CRISPLD2: variants seen among roughly 807,000 people sequenced by gnomAD.
CRISPLD2 encodes the protein cysteine-rich secretory protein LCCL domain-containing 2.
CRISPLD2 carries 47 observed loss-of-function variants against 71.1 expected under a neutral mutation model. The ratio of observed to expected loss-of-function variants is 0.66; its 90% confidence interval spans 0.52 to 0.84. The LOEUF (loss-of-function observed/expected upper bound fraction) is 0.84, where lower values mean the gene tolerates loss of function less well. Ranked by LOEUF, CRISPLD2 falls within the 40% of genes least tolerant of loss-of-function variation. CRISPLD2 has a pLI of 0.00. For synonymous variants in CRISPLD2, 317 were observed against 250.1 expected, an observed-to-expected ratio of 1.27 and a Z score of -2.52; for missense variants, 830 against 651.1, an observed-to-expected ratio of 1.27 and a Z score of -2.99.
In CRISPLD2 at chr16:84,873,016, A is replaced by G. The variant is rs765389169; in HGVS notation, c.1006A>G (p.Ile336Val). Residue 336 changes from isoleucine to valine, a missense_variant, in exon 10 of 15, where the codon ATC (isoleucine) becomes GTC (valine). Coordinates refer to ENST00000262424, the MANE Select transcript of CRISPLD2 (RefSeq NM_031476.4). The stretch of plus-strand genomic sequence containing the variant: ...GTCGTCTAGCATATGCCGCGCCGCC[A>G]TCCACTACGGGATCCTGGATGACAA... Reference protein sequence around the residue: ...ESSSSICRAAIHYGILDDKGG... With the variant: ...ESSSSICRAAVHYGILDDKGG... 2 of 1,613,626 alleles carry G rather than the reference A, an allele frequency of 1.2e-6. No individual in the cohort carries two copies. The highest frequency in any genetic ancestry group is 1.7e-6 in the Non-Finnish European group (2 of 1,179,816).
chr16:84,846,720 G>A (rs1048890050), intron 3 of CRISPLD2, among the ~76,000 whole-genome samples: 3 of 152,130 alleles, frequency 2.0e-5, no homozygotes, highest in South Asian at 2.1e-4. Flanking sequence ...CCTTCCCCGC[G>A]TCATCCAGCC....
At chr16:84,859,909 G>A (rs1917336594) in intron 6 of CRISPLD2, among the ~76,000 whole-genome samples, 5 of 152,190 alleles carry the variant, frequency 3.3e-5, no homozygotes, top group Admixed American at 3.3e-4. Flanking sequence ...GAGTGACTGT[G>A]GTTCCCACTG....
intron 14 of CRISPLD2, among the ~76,000 whole-genome samples, chr16:84,899,489 G>T (rs956795786): frequency 3.3e-5 from 5 of 152,170 alleles, no homozygotes; most frequent in South Asian, 2.1e-4. Flanking sequence ...ACTGCTTGAG[G>T]CATGAACAAC....
rs770252855 is a variant in CRISPLD2, at chr16:84,838,470, C to T, written c.-26C>T. On this transcript the variant is annotated 5_prime_UTR_variant, in exon 2 of 15. Coordinates refer to ENST00000262424, the MANE Select transcript of CRISPLD2 (RefSeq NM_031476.4). ...GAGGAGCCCAGGCTGCCCCGTGAGT[C>T]CCATAGTTGCTGCAGGAGTGGAGCC... is the stretch of plus-strand genomic sequence containing the variant. 6.8e-6 allele frequency: 11 copies of T among 1,607,714 alleles called. No individual in the cohort carries two copies. The highest frequency in any genetic ancestry group is 9.4e-6 in the Non-Finnish European group (11 of 1,175,830).
At chr16:84,861,174 C>A (rs1917369084) in intron 6 of CRISPLD2, among the ~76,000 whole-genome samples, 1 of 152,154 alleles carries the variant, frequency 6.6e-6, no homozygotes, top group Non-Finnish European at 1.5e-5. Context: ...GAGTCCTTAG[C>A]ATTTTGGGAT....
At position 84,908,686 on chromosome 16, in the gene CRISPLD2, T is replaced by A. The variant is rs1597492504; in HGVS notation, c.*2044T>A. On this transcript the variant is annotated 3_prime_UTR_variant, in exon 15 of 15. Transcript: ENST00000262424. ...CAGAGCAGGACCTGGCTGTCTTTTT[T>A]TTTTTTTTTTTTTTTTTCCCGAGAC... The A allele has an allele frequency of 1.7e-5, 1 of 58,088 alleles. No individual in the cohort carries two copies. The highest frequency in any genetic ancestry group is 3.5e-5 in the Non-Finnish European group (1 of 28,786). The allele number at this position is 58,088 out of a possible 1,614,324, so 3.6% of individuals were successfully genotyped here. A position where few individuals can be genotyped will look rare whatever the true frequency, so the allele number is the denominator to read the frequency against.
chr16:84,846,189 T>G, intron 3 of CRISPLD2: 1 of 273,142 alleles, frequency 3.7e-6, no homozygotes. Context: ...TTCCTTTCCT[T>G]CCTTCCTTCC....
At chr16:84,858,375 C>T (rs750013974) in intron 6 of CRISPLD2, among the ~76,000 whole-genome samples, 3 of 152,188 alleles carry the variant, frequency 2.0e-5, no homozygotes, top group Non-Finnish European at 2.9e-5. Flanking sequence ...CTAATTGGCC[C>T]ACTAGGCGTT....
At chr16:84,904,524 C>T (rs2071783852) in intron 14 of CRISPLD2, among the ~76,000 whole-genome samples, 1 of 151,154 alleles carries the variant, frequency 6.6e-6, no homozygotes, top group African/African-American at 2.4e-5. Context: ...GCAGAGGTTG[C>T]AGTGAGCCAA....
chr16:84,868,381 C>T (rs1370451824), intron 7 of CRISPLD2, among the ~76,000 whole-genome samples: 1 of 152,220 alleles, frequency 6.6e-6, no homozygotes, highest in Non-Finnish European at 1.5e-5. Flanking sequence ...TTGCAAAAGG[C>T]ATCTTGGCGA....
intron 1 of CRISPLD2, among the ~76,000 whole-genome samples, chr16:84,824,022 C>A (rs756148661): frequency 6.6e-6 from 1 of 152,124 alleles, no homozygotes; most frequent in Non-Finnish European, 1.5e-5. Flanking sequence ...GGACTGGGAG[C>A]TGGCATGGAG....
intron 14 of CRISPLD2, among the ~76,000 whole-genome samples, chr16:84,899,296 A>G (rs1288285050): frequency 1.3e-5 from 2 of 152,216 alleles, no homozygotes; most frequent in African/African-American, 4.8e-5. Context: ...TTACCCAGAA[A>G]TACTGCAGCA....
chr16:84,845,742 C>G (rs201823135), intron 2 of CRISPLD2, 44 bp from the exon 3 acceptor site: 3 of 1,330,254 alleles, frequency 2.3e-6, no homozygotes, highest in Non-Finnish European at 3.2e-6. Context: ...TTATGCCCCT[C>G]CCTCACCCTC....
chr16:84,849,209 G>C (rs1309815704), intron 3 of CRISPLD2, 176 bp from the exon 4 acceptor site: 1 of 603,604 alleles, frequency 1.7e-6, no homozygotes, highest in Non-Finnish European at 2.9e-6. Context: ...CCTGGAATTG[G>C]GGGCTATTCC....
rs1255843337 is a variant in CRISPLD2, at chr16:84,868,876, G to C, written c.879G>C (p.Lys293Asn). Residue 293 changes from lysine (K) to asparagine (N), a missense_variant, in exon 8 of 15, where the codon AAG (lysine) becomes AAC (asparagine). Coordinates refer to ENST00000262424, the MANE Select transcript of CRISPLD2 (RefSeq NM_031476.4). ...CCCAAGTCGTCAGATGTGACACCAAGATGAAGGACAGGTGCAAAGGGTCCA... is the reference window on the plus strand; with the variant it reads ...CCCAAGTCGTCAGATGTGACACCAACATGAAGGACAGGTGCAAAGGGTCCA... ...YMTQVVRCDT[K>N]MKDRCKGSTC... The C allele has an allele frequency of 6.2e-7, 1 of 1,611,440 alleles. No homozygotes were observed. Among genetic ancestry groups the C allele is most frequent in the African/African-American group, 1.3e-5 (1 of 74,798 alleles).
chr16:84,856,603 T>A (rs777483690), intron 6 of CRISPLD2, among the ~76,000 whole-genome samples: 2 of 152,184 alleles, frequency 1.3e-5, no homozygotes, highest in Non-Finnish European at 2.9e-5. Flanking sequence ...CCTTAATTCC[T>A]GAACTCGTGA....
At chr16:84,875,339 C>T (rs981297542) in intron 11 of CRISPLD2, among the ~76,000 whole-genome samples, 3 of 150,848 alleles carry the variant, frequency 2.0e-5, no homozygotes, top group Non-Finnish European at 4.4e-5. Flanking sequence ...CCATGGGCTG[C>T]ATGTAGCCCA....
At chr16:84,899,668 G>A (rs2071736463) in intron 14 of CRISPLD2, among the ~76,000 whole-genome samples, 1 of 152,178 alleles carries the variant, frequency 6.6e-6, no homozygotes. Context: ...GCTTGTCGGG[G>A]CCTGCTCTTA....
chr16:84,899,340 A>C (rs1045787318), intron 14 of CRISPLD2, among the ~76,000 whole-genome samples: 1 of 149,536 alleles, frequency 6.7e-6, no homozygotes, highest in African/African-American at 2.4e-5. Context: ...TGGGAGTTAC[A>C]AGCTAATCCA....
Sources: allele counts gnomAD v4.1 joint callset (sites outside exome capture counted in the v4.1 genomes callset), GRCh38; gene constraint gnomAD v4.1.1; transcripts MANE v1.5; gene names NCBI Gene and HGNC (gene_info 2026-07-23, HGNC 2026-07-21).